The following DNAH8 variants were observed in gnomAD, a reference collection of about 807,000 sequenced individuals.
DNAH8 encodes the protein dynein axonemal heavy chain 8.
Under a neutral mutation model 562.1 loss-of-function variants are expected in DNAH8, and 382 were observed. That is an observed-to-expected ratio of 0.68 (90% CI 0.63 to 0.74). DNAH8 has a LOEUF of 0.74. DNAH8 is among the 30% of genes least tolerant of loss of function. The pLI is 0.00. For missense variants in DNAH8, 5,203 were observed against 5,620.4 expected (o/e 0.93, Z 2.37); for synonymous variants, 1,881 against 1,919.4 (o/e 0.98, Z 0.52).
At position 38,818,537 on chromosome 6, in the gene DNAH8, C is replaced by CAAAAAAAAAAAAAAAAAAAAAAAAAA. The variant is rs70981590; in HGVS notation, c.3523+2896_3523+2897insAAAAAAAAAAAAAAAAAAAAAAAAAA. On this transcript the variant is annotated intron_variant, in intron 26 of 92. Coordinates refer to ENST00000327475, the MANE Select transcript of DNAH8 (RefSeq NM_001206927.2). ...CAAAATAAGAAAGCAAAAGCAAAAG[C>CAAAAAAAAAAAAAAAAAAAAAAAAAA]AAAAAAAAAAAAAAAAGAAGATATG... 5.5e-4 allele frequency among the ~76,000 whole-genome samples: 42 copies of CAAAAAAAAAAAAAAAAAAAAAAAAAA among 75,802 alleles called. 1 individual carries two copies. Among genetic ancestry groups the CAAAAAAAAAAAAAAAAAAAAAAAAAA allele is most frequent in the African/African-American group, 1.1e-3 (18 of 16,114 alleles). 49.7% of individuals were successfully genotyped at this position (75,802 alleles called of 152,430 possible).
At chr6:38,982,500 T>C (rs1171620984) in intron 86 of DNAH8, 38 bp downstream of exon 86, 1 of 1,061,596 alleles carries the variant, frequency 9.4e-7, no homozygotes, top group African/African-American at 1.6e-5. Context: ...TTTTTATTGC[T>C]CTTCTTAAAT....
rs769589256 is a variant in DNAH8, at chr6:39,014,704, G to A, written c.13714+2067G>A. On this transcript the variant is annotated intron_variant, in intron 91 of 92. Transcript: ENST00000327475. Reference sequence around the variant, plus strand: ...CAAAAAAAGAGCGGGTGCTTTCCAGGTAGAGGCCTGAGCAAAAACAAGTCT... The same window carrying A: ...CAAAAAAAGAGCGGGTGCTTTCCAGATAGAGGCCTGAGCAAAAACAAGTCT... 3.5e-4 allele frequency among the ~76,000 whole-genome samples: 53 copies of A among 152,300 alleles called. 1 individual carries two copies. Among genetic ancestry groups the A allele is most frequent in the Admixed American group, 5.9e-4 (9 of 15,300 alleles).
intron 22 of DNAH8, 73 bp downstream of exon 22, chr6:38,803,384 G>A: frequency 8.4e-7 from 1 of 1,195,514 alleles, no homozygotes; most frequent in South Asian, 1.6e-5. Context: ...CTTCTGCTTA[G>A]CAGGTACTGA....
At chr6:38,739,560 A>G (rs1162619681) in intron 7 of DNAH8, among the ~76,000 whole-genome samples, 1 of 152,126 alleles carries the variant, frequency 6.6e-6, no homozygotes, top group Admixed American at 6.5e-5. Flanking sequence ...TAATCCCAGC[A>G]CTTTGGGAGC....
rs558419542 is a variant in DNAH8, at chr6:38,988,399, C to T, written c.13054-1613C>T. On this transcript the variant is annotated intron_variant, in intron 87 of 92. Transcript: ENST00000327475. Reference sequence around the variant, plus strand: ...TATACATACATGTCATCTGACAACACAGAATTCAGTGTGGTTATTTGTTAT... The same window carrying T: ...TATACATACATGTCATCTGACAACATAGAATTCAGTGTGGTTATTTGTTAT... 3.9e-4 allele frequency among the ~76,000 whole-genome samples: 60 copies of T among 152,312 alleles called. 1 individual carries two copies. The highest frequency in any genetic ancestry group is 1.5e-3 in the Admixed American group (23 of 15,300).
chr6:38,986,471 C>T (rs1401577579), intron 87 of DNAH8, among the ~76,000 whole-genome samples: 6 of 151,800 alleles, frequency 4.0e-5, no homozygotes, highest in Admixed American at 1.3e-4. Context: ...GAATGGATAT[C>T]AGGGCAGAAT....
chr6:38,816,959 CT>C (rs1772338478), intron 26 of DNAH8, among the ~76,000 whole-genome samples: 1 of 152,026 alleles, frequency 6.6e-6, no homozygotes, highest in Admixed American at 6.6e-5. Flanking sequence ...TTCAACTGGT[CT>C]CTTTAACTTT....
At chr6:38,879,462 A>T (rs6458081) in intron 53 of DNAH8, among the ~76,000 whole-genome samples, 65,971 of 152,086 alleles carry the variant, frequency 0.43, 15,246 homozygotes, top group East Asian at 0.84. Flanking sequence ...TCTGCCATAT[A>T]AGACTAAAAA....
intron 73 of DNAH8, 89 bp downstream of exon 73, chr6:38,924,251 A>T: frequency 7.5e-7 from 1 of 1,330,066 alleles, no homozygotes; most frequent in East Asian, 2.4e-5. Flanking sequence ...GGTGGCTCAC[A>T]TCTGTAATCC....
chr6:38,942,817 T>C (rs1348629153), intron 79 of DNAH8, among the ~76,000 whole-genome samples: 1 of 152,104 alleles, frequency 6.6e-6, no homozygotes, highest in East Asian at 1.9e-4. Flanking sequence ...TAAGACATAG[T>C]CCCACCCCGT....
rs2150773056 is a variant in DNAH8, at chr6:39,012,324, G to A, written c.13481G>A (p.Ser4494Asn). The A allele has an allele frequency of 6.2e-7, 1 of 1,613,558 alleles. No individual in the cohort carries two copies. Among genetic ancestry groups the A allele is most frequent in the Non-Finnish European group, 8.5e-7 (1 of 1,179,564 alleles). Residue 4494 changes from serine to asparagine, a missense_variant, in exon 90 of 93, where the codon AGT (serine) becomes AAT (asparagine). Ser to Asn is a conservative substitution (Grantham distance 46, BLOSUM62 1). Transcript: ENST00000327475. The stretch of plus-strand genomic sequence containing the variant: ...ATTTCAATACTCCGCAGTAGCCTGA[G>A]TGATCTAAAATTGGCCATTGAAGGA... ...RVISILRSSLSDLKLAIEGTI... is the reference protein window; with the variant it reads ...RVISILRSSLNDLKLAIEGTI...
At chr6:38,967,940 G>T (rs1763080316) in intron 82 of DNAH8, among the ~76,000 whole-genome samples, 1 of 152,128 alleles carries the variant, frequency 6.6e-6, no homozygotes, top group South Asian at 2.1e-4. Context: ...TCATTGCAAA[G>T]AATATATATC....
chr6:38,779,132 C>T (rs1163047677), intron 14 of DNAH8, among the ~76,000 whole-genome samples: 1 of 152,084 alleles, frequency 6.6e-6, no homozygotes, highest in Non-Finnish European at 1.5e-5. Context: ...GAAGCCTTTC[C>T]CTTTCAGCAC....
At chr6:38,921,224 C>T in intron 70 of DNAH8, 145 bp from the exon 71 acceptor site, 1 of 923,524 alleles carries the variant, frequency 1.1e-6, no homozygotes, top group Non-Finnish European at 1.6e-6. Flanking sequence ...CTCCAAGACG[C>T]TTTGCTTTCC....
chr6:39,015,487 TAGTG>T (rs1297590911), intron 91 of DNAH8, among the ~76,000 whole-genome samples: 2 of 152,188 alleles, frequency 1.3e-5, no homozygotes, highest in African/African-American at 4.8e-5. Context: ...GCTTTCGTGA[TAGTG>T]AGTGAGTTCT....
intron 21 of DNAH8, among the ~76,000 whole-genome samples, chr6:38,802,793 T>C (rs1770898661): frequency 6.6e-6 from 1 of 152,272 alleles, no homozygotes; most frequent in Non-Finnish European, 1.5e-5. Context: ...AAACTTTATC[T>C]AATTTAACTC....
At chr6:38,770,286 A>G in intron 11 of DNAH8, 127 bp from the exon 12 acceptor site, 1 of 456,094 alleles carries the variant, frequency 2.2e-6, no homozygotes, top group Non-Finnish European at 3.5e-6. Flanking sequence ...AATATGGTAT[A>G]AATAAAAAAA....
chr6:38,907,840 G>C (rs1780597800), intron 63 of DNAH8, 116 bp from the exon 64 acceptor site: 3 of 943,858 alleles, frequency 3.2e-6, no homozygotes, highest in Non-Finnish European at 4.4e-6. Context: ...TGGAGATGCT[G>C]AAAGAAAATA....
intron 80 of DNAH8, 111 bp from the exon 81 acceptor site, chr6:38,949,341 G>GAA: frequency 1.3e-6 from 1 of 742,374 alleles, no homozygotes; most frequent in Admixed American, 2.0e-5. Flanking sequence ...TGTTATGCTT[G>GAA]AAAAATTATC....
Sources: allele counts gnomAD v4.1 joint callset (sites outside exome capture counted in the v4.1 genomes callset), GRCh38; gene constraint gnomAD v4.1.1; transcripts MANE v1.5; gene names NCBI Gene and HGNC (gene_info 2026-07-23, HGNC 2026-07-21).